KCNT2: variants seen among roughly 807,000 people sequenced by gnomAD.
KCNT2 encodes potassium channel subfamily T member 2.
Under a neutral mutation model 153.8 loss-of-function variants are expected in KCNT2, and 67 were observed. The observed-to-expected ratio is 0.44, with a 90% CI of 0.36 to 0.53. The LOEUF is 0.53. Ranked by LOEUF, KCNT2 falls within the 20% of genes least tolerant of loss-of-function variation. KCNT2 has a pLI of 0.00. For synonymous variants in KCNT2, 500 were observed against 458.8 expected (o/e 1.09, Z -1.15); for missense variants, 975 against 1,354.8 (o/e 0.72, Z 4.40).
In KCNT2 at chr1:196,233,525, C is replaced by T. The variant is rs185738224; in HGVS notation, c.3296+2461G>A. Reference sequence around the variant, plus strand: ...TTTGGAAAAAACATTCCCTATTTAGCCTTTTTCAGCTGGAAGATAAAAAAT... The same window carrying T: ...TTTGGAAAAAACATTCCCTATTTAGTCTTTTTCAGCTGGAAGATAAAAAAT... On this transcript the variant is annotated intron_variant, in intron 27 of 27. Transcript: ENST00000294725. Among the ~76,000 whole-genome samples, 876 of 151,462 alleles carry T rather than the reference C, an allele frequency of 5.8e-3. 9 individuals carry two copies. The highest frequency in any genetic ancestry group is 0.02 in the African/African-American group (841 of 41,470).
intron 1 of KCNT2, among the ~76,000 whole-genome samples, chr1:196,605,242 G>A (rs2149040627): frequency 6.6e-6 from 1 of 152,276 alleles, no homozygotes; most frequent in Admixed American, 6.5e-5. Context: ...GCTTGAGATA[G>A]GATTGCAGCA....
chr1:196,238,821 A>C, intron 26 of KCNT2, among the ~76,000 whole-genome samples: 1 of 152,008 alleles, frequency 6.6e-6, no homozygotes, highest in East Asian at 1.9e-4. Flanking sequence ...CCGAGAACTT[A>C]AAGTATAATA....
At chr1:196,432,189 C>A (rs949517116) in intron 8 of KCNT2, among the ~76,000 whole-genome samples, 1 of 152,084 alleles carries the variant, frequency 6.6e-6, no homozygotes, top group Non-Finnish European at 1.5e-5. Context: ...CCATGTGGTG[C>A]CAATTTTGCA....
intron 1 of KCNT2, among the ~76,000 whole-genome samples, chr1:196,519,268 A>T (rs1005090095): frequency 1.3e-5 from 2 of 152,180 alleles, no homozygotes; most frequent in South Asian, 4.1e-4. Flanking sequence ...GATACAACAT[A>T]TCAGAATCTC....
chr1:196,547,822 A>T (rs540781284), intron 1 of KCNT2, among the ~76,000 whole-genome samples: 1 of 152,002 alleles, frequency 6.6e-6, no homozygotes, highest in African/African-American at 2.4e-5. Context: ...TTCTTTTAGA[A>T]AATTGTTAGT....
chr1:196,565,711 CAAA>C (rs1373375269), intron 1 of KCNT2, among the ~76,000 whole-genome samples: 1 of 151,108 alleles, frequency 6.6e-6, no homozygotes, highest in Non-Finnish European at 1.5e-5. Context: ...TGAAATAAGC[CAAA>C]CACAGAAAGA....
intron 13 of KCNT2, among the ~76,000 whole-genome samples, chr1:196,391,304 G>A (rs576909387): frequency 3.5e-4 from 53 of 151,282 alleles, no homozygotes; most frequent in Admixed American, 1.1e-3. Flanking sequence ...ACAAGAAATT[G>A]ATCATAGTAC....
At chr1:196,277,638 A>G (rs1658694174) in intron 25 of KCNT2, among the ~76,000 whole-genome samples, 1 of 152,134 alleles carries the variant, frequency 6.6e-6, no homozygotes, top group African/African-American at 2.4e-5. Flanking sequence ...TCCAATAGTA[A>G]TTACTGAAAG....
chr1:196,345,914 T>G (rs1311827894), intron 14 of KCNT2, among the ~76,000 whole-genome samples: 1 of 152,184 alleles, frequency 6.6e-6, no homozygotes, highest in African/African-American at 2.4e-5. Context: ...AAATACAAAA[T>G]GTTAAATAAA....
chr1:196,410,326 T>A (rs924838615), intron 12 of KCNT2, among the ~76,000 whole-genome samples: 1 of 151,638 alleles, frequency 6.6e-6, no homozygotes, highest in Non-Finnish European at 1.5e-5. Flanking sequence ...TATTGCTTTT[T>A]TTTTTTAGTT....
intron 1 of KCNT2, among the ~76,000 whole-genome samples, chr1:196,575,846 C>T (rs1355744330): frequency 1.3e-5 from 2 of 151,410 alleles, no homozygotes; most frequent in South Asian, 2.1e-4. Flanking sequence ...GGTGTGGAGG[C>T]GCATGCCTGT....
Position 196,426,916 on chromosome 1 carries a change from C to T in KCNT2, c.985-928G>A, listed in dbSNP as rs188135510. 1.2e-3 allele frequency among the ~76,000 whole-genome samples: 179 copies of T among 152,056 alleles called. 1 individual carries two copies. The highest frequency in any genetic ancestry group is 3.4e-3 in the Middle Eastern group (1 of 294). The stretch of plus-strand genomic sequence containing the variant: ...TGTGAAGACACACCTGCTTCCCTTT[C>T]GCATTACACGTGACCATAAGTTTCC... On this transcript the variant is annotated intron_variant, in intron 10 of 27. Coordinates refer to ENST00000294725, the MANE Select transcript of KCNT2 (RefSeq NM_198503.5).
chr1:196,279,541 G>A (rs1245858333), intron 25 of KCNT2, among the ~76,000 whole-genome samples: 1 of 151,624 alleles, frequency 6.6e-6, no homozygotes, highest in African/African-American at 2.4e-5. Flanking sequence ...TTCTGCCTCA[G>A]CCTCCCGAGT....
intron 26 of KCNT2, among the ~76,000 whole-genome samples, chr1:196,237,981 G>T (rs1347297768): frequency 6.6e-6 from 1 of 151,814 alleles, no homozygotes; most frequent in African/African-American, 2.4e-5. Context: ...CAACTGTTGT[G>T]CAAAGGTACA....
chr1:196,376,191 TC>T (rs1417393116), intron 13 of KCNT2, among the ~76,000 whole-genome samples: 1 of 151,906 alleles, frequency 6.6e-6, no homozygotes, highest in Non-Finnish European at 1.5e-5. Context: ...TTTCTTTTTT[TC>T]CCATTGTCAT....
At chr1:196,428,325 A>C (rs928566621) in intron 9 of KCNT2, 56 bp from the exon 10 acceptor site, 15 of 1,199,178 alleles carry the variant, frequency 1.3e-5, no homozygotes, top group Non-Finnish European at 1.8e-5. Flanking sequence ...TAAATAAATC[A>C]ATGCAATACA....
intron 26 of KCNT2, among the ~76,000 whole-genome samples, chr1:196,245,792 G>A (rs1397004371): frequency 2.6e-5 from 4 of 151,970 alleles, no homozygotes; most frequent in Admixed American, 6.6e-5. Flanking sequence ...ATGAAAGTAC[G>A]GTCAGAGGAG....
intron 22 of KCNT2, among the ~76,000 whole-genome samples, chr1:196,295,121 A>T (rs1052232482): frequency 6.6e-6 from 1 of 151,576 alleles, no homozygotes; most frequent in Admixed American, 6.6e-5. Context: ...ATCATAACAC[A>T]TTGTAAATAT....
At chr1:196,544,111 C>A (rs1656741397) in intron 1 of KCNT2, among the ~76,000 whole-genome samples, 1 of 152,102 alleles carries the variant, frequency 6.6e-6, no homozygotes, top group South Asian at 2.1e-4. Context: ...CCAAAGCAAC[C>A]TAAATATCCA....
Sources: allele counts gnomAD v4.1 joint callset (sites outside exome capture counted in the v4.1 genomes callset), GRCh38; gene constraint gnomAD v4.1.1; transcripts MANE v1.5; gene names NCBI Gene and HGNC (gene_info 2026-07-23, HGNC 2026-07-21).